Variants in ARHGEF3 observed in about 807,000 individuals in gnomAD.
The protein encoded by ARHGEF3 is Rho guanine nucleotide exchange factor 3.
Under a neutral mutation model 63.2 loss-of-function variants are expected in ARHGEF3, and 28 were observed. That is an observed-to-expected ratio of 0.44 (90% CI 0.33 to 0.61). The LOEUF is 0.61. Among genes scored for constraint, ARHGEF3 ranks in the 20% least tolerant of loss-of-function variants. The pLI, the probability that ARHGEF3 is intolerant of heterozygous loss-of-function variation, is 0.03. For missense variants in ARHGEF3, 533 were observed against 659.3 expected (o/e 0.81, Z 2.10); for synonymous variants, 266 against 254.2 (o/e 1.05, Z -0.44).
At chr3:57,077,376 G>C (rs1208097938) in intron 1 of ARHGEF3, among the ~76,000 whole-genome samples, 3 of 152,166 alleles carry the variant, frequency 2.0e-5, no homozygotes, top group African/African-American at 7.2e-5. Flanking sequence ...CTGGGGCACA[G>C]GCCTCATGGA....
At chr3:57,045,258 ACT>A (rs949264413) in intron 1 of ARHGEF3, among the ~76,000 whole-genome samples, 1 of 152,158 alleles carries the variant, frequency 6.6e-6, no homozygotes, top group African/African-American at 2.4e-5. Context: ...TAAGAGCGAA[ACT>A]CTGTCTCAAA....
intron 1 of ARHGEF3, among the ~76,000 whole-genome samples, chr3:56,789,621 C>T (rs999518549): frequency 2.6e-5 from 4 of 152,222 alleles, no homozygotes; most frequent in Non-Finnish European, 1.5e-5. Context: ...CCTAGAAAGC[C>T]CCTCAGAACA....
intron 6 of ARHGEF3, among the ~76,000 whole-genome samples, chr3:56,749,917 A>AGCGAGAC (rs2034627009): frequency 6.7e-6 from 1 of 148,954 alleles, no homozygotes; most frequent in African/African-American, 2.6e-5. Flanking sequence ...CTTTCTGCAC[A>AGCGAGAC]TCTATGTGTT....
intron 4 of ARHGEF3, among the ~76,000 whole-genome samples, chr3:56,842,941 C>T (rs900745125): frequency 6.6e-6 from 1 of 152,118 alleles, no homozygotes; most frequent in South Asian, 2.1e-4. Context: ...AGTCATGCCA[C>T]CAGTTGGCTG....
chr3:56,782,093 A>AT (rs1190057185), intron 1 of ARHGEF3, among the ~76,000 whole-genome samples: 1 of 152,156 alleles, frequency 6.6e-6, no homozygotes, highest in Non-Finnish European at 1.5e-5. Flanking sequence ...TCTTCATCTT[A>AT]TTTTTTTGGA....
intron 2 of ARHGEF3, among the ~76,000 whole-genome samples, chr3:56,988,262 T>C (rs900045267): frequency 6.6e-6 from 1 of 152,332 alleles, no homozygotes; most frequent in Middle Eastern, 3.4e-3. Flanking sequence ...TTCTCCTGCC[T>C]CAGCCTCCTG....
chr3:56,931,573 C>A (rs867830716), intron 3 of ARHGEF3, among the ~76,000 whole-genome samples: 2 of 34,982 alleles, frequency 5.7e-5, no homozygotes, highest in Admixed American at 4.8e-4. Flanking sequence ...GAGATCCTGT[C>A]TCAAAAAAAA....
At chr3:56,901,409 A>ATATGTATATGT (rs2041501326) in intron 3 of ARHGEF3, among the ~76,000 whole-genome samples, 9 of 124,666 alleles carry the variant, frequency 7.2e-5, no homozygotes, top group Admixed American at 3.9e-4. Flanking sequence ...TATGTATATG[A>ATATGTATATGT]GTATGTATAC....
chr3:56,771,424 T>G (rs902693017), intron 2 of ARHGEF3, among the ~76,000 whole-genome samples: 2 of 152,208 alleles, frequency 1.3e-5, no homozygotes, highest in Non-Finnish European at 2.9e-5. Flanking sequence ...AGGGCTGGGC[T>G]GTAGTGGGAG....
intron 2 of ARHGEF3, among the ~76,000 whole-genome samples, chr3:56,980,241 A>G (rs114086498): frequency 0.017 from 2,590 of 152,322 alleles, 63 homozygotes; most frequent in Non-Finnish European, 0.02. Flanking sequence ...TGGCACCTTA[A>G]TGCATGCTTT....
intron 2 of ARHGEF3, among the ~76,000 whole-genome samples, chr3:56,978,701 C>T (rs1360660680): frequency 1.3e-5 from 2 of 152,076 alleles, no homozygotes; most frequent in East Asian, 3.8e-4. Context: ...CATCATTTTC[C>T]AAGAGCATTA....
In ARHGEF3 at chr3:57,071,338, G is replaced by C. The variant is rs552966470; in HGVS notation, c.-28+7888C>G. ...AAACAGATCAAAGTTCTAAATCTAAGAGCTAAAACTATAAAACTCTTATAA... is the reference window on the plus strand; with the variant it reads ...AAACAGATCAAAGTTCTAAATCTAACAGCTAAAACTATAAAACTCTTATAA... On this transcript the variant is annotated intron_variant, in intron 1 of 12. Coordinates refer to the ARHGEF3 transcript ENST00000338458. Among the ~76,000 whole-genome samples, 113 of 152,142 alleles carry C rather than the reference G, an allele frequency of 7.4e-4. No homozygotes were observed. The Middle Eastern group carries it at 0.01, about 14-fold the overall frequency.
chr3:56,863,831 T>C (rs2040157657), intron 4 of ARHGEF3, among the ~76,000 whole-genome samples: 1 of 152,168 alleles, frequency 6.6e-6, no homozygotes, highest in Admixed American at 6.5e-5. Context: ...AATTCATCTA[T>C]ATTATTTTAT....
chr3:56,895,347 A>G (rs1046087732), intron 3 of ARHGEF3, among the ~76,000 whole-genome samples: 32 of 152,276 alleles, frequency 2.1e-4, no homozygotes, highest in African/African-American at 7.7e-4. Flanking sequence ...GGGCAGAGAG[A>G]GGGGCCTTTG....
chr3:56,934,745 C>T (rs2042509220), intron 3 of ARHGEF3, among the ~76,000 whole-genome samples: 1 of 152,252 alleles, frequency 6.6e-6, no homozygotes, highest in South Asian at 2.1e-4. Flanking sequence ...CCTGAGCCTC[C>T]CACCCACTCC....
At chr3:56,927,928 G>A (rs1367556440) in intron 3 of ARHGEF3, among the ~76,000 whole-genome samples, 1 of 152,126 alleles carries the variant, frequency 6.6e-6, no homozygotes, top group Non-Finnish European at 1.5e-5. Flanking sequence ...TGATTATGAT[G>A]TCTATTTTAT....
At chr3:57,057,401 G>A (rs1349067520) in intron 1 of ARHGEF3, among the ~76,000 whole-genome samples, 4 of 152,106 alleles carry the variant, frequency 2.6e-5, no homozygotes, top group Non-Finnish European at 5.9e-5. Flanking sequence ...GAGCCACCGC[G>A]CCCGTCCAGG....
At chr3:56,774,371 A>G (rs987903143) in intron 1 of ARHGEF3, among the ~76,000 whole-genome samples, 1 of 152,218 alleles carries the variant, frequency 6.6e-6, no homozygotes, top group African/African-American at 2.4e-5. Flanking sequence ...TATCTACAGC[A>G]TATTTGAAAT....
chr3:56,979,013 G>T (rs1701224984), intron 2 of ARHGEF3, among the ~76,000 whole-genome samples: 1 of 152,126 alleles, frequency 6.6e-6, no homozygotes, highest in South Asian at 2.1e-4. Context: ...AAAATTAGCC[G>T]GCCATAGTGG....
Sources: gnomAD v4.1 joint callset for allele counts (sites outside exome capture counted in the v4.1 genomes callset) on GRCh38, gnomAD v4.1.1 for gene constraint, MANE v1.5 for transcripts, NCBI Gene and HGNC (gene_info 2026-07-23, HGNC 2026-07-21) for gene names.